AIM2: variants seen among roughly 807,000 people sequenced by gnomAD.
AIM2 encodes the protein interferon-inducible protein AIM2.
A neutral mutation model predicts 27.7 loss-of-function variants in AIM2; 30 were observed. The ratio of observed to expected loss-of-function variants is 1.08; its 90% CI spans 0.81 to 1.47. AIM2 has a LOEUF of 1.47. AIM2 is among the 40% of genes most tolerant of loss of function. AIM2 has a pLI of 0.00. For missense variants in AIM2, 358 were observed against 411.3 expected, an observed-to-expected ratio of 0.87 and a Z score of 1.12; for synonymous variants, 141 against 145.3, an observed-to-expected ratio of 0.97 and a Z score of 0.21.
intron 1 of AIM2, among the ~76,000 whole-genome samples, chr1:159,094,035 T>C (rs1338068506): frequency 6.6e-6 from 1 of 152,048 alleles, no homozygotes; most frequent in Non-Finnish European, 1.5e-5. Context: ...TCACTGCACA[T>C]GGCATATTTA....
intron 1 of AIM2, among the ~76,000 whole-genome samples, chr1:159,099,065 C>T (rs571722605): frequency 2.0e-5 from 3 of 151,292 alleles, no homozygotes; most frequent in Non-Finnish European, 4.4e-5. Flanking sequence ...GAAAGTCAGA[C>T]TGTTGGGGTC....
At chr1:159,109,324 A>G (rs1452012635) in intron 1 of AIM2, among the ~76,000 whole-genome samples, 1 of 152,232 alleles carries the variant, frequency 6.6e-6, no homozygotes, top group Non-Finnish European at 1.5e-5. Context: ...CACCCTATTC[A>G]ACAAATGGTA....
chr1:159,055,514 T>TA, the AIM2 span, among the ~76,000 whole-genome samples: 1 of 152,236 alleles, frequency 6.6e-6, no homozygotes. Flanking sequence ...TGAAGGCACT[T>TA]GTCTGTGTTA....
intron 1 of AIM2, among the ~76,000 whole-genome samples, chr1:159,120,644 G>A (rs144859744): frequency 6.6e-6 from 1 of 152,146 alleles, no homozygotes; most frequent in Non-Finnish European, 1.5e-5. Flanking sequence ...TGAGGGGAAA[G>A]CACTCAATTG....
chr1:159,066,336 A>G lies in AIM2; in HGVS notation c.397-7T>C. On this transcript the variant is annotated splice_region_variant and splice_polypyrimidine_tract_variant and intron_variant, in intron 3 of 5. Transcript: ENST00000368130. ...CCATCTGTTTCTGTTCAGGCTGAAG[A>G]CAAGAGAAGAAAGATATCAGCTGTG... 2.5e-6 allele frequency: 4 copies of G among 1,601,074 alleles called. No individual in the cohort carries two copies. Among genetic ancestry groups the G allele is most frequent in the Non-Finnish European group, 3.4e-6 (4 of 1,174,814 alleles).
upstream of AIM2, among the ~76,000 whole-genome samples, chr1:159,144,391 C>T (rs775096030): frequency 2.0e-5 from 3 of 152,108 alleles, no homozygotes; most frequent in Non-Finnish European, 2.9e-5. Context: ...TCTCATTTTG[C>T]TTTATCATCC....
chr1:159,115,813 A>G (rs1392262994), intron 1 of AIM2, among the ~76,000 whole-genome samples: 1 of 152,226 alleles, frequency 6.6e-6, no homozygotes, highest in African/African-American at 2.4e-5. Context: ...AATGGCAACA[A>G]AAGCCAAAAT....
chr1:159,140,199 T>C (rs1648085011), intron 1 of AIM2, among the ~76,000 whole-genome samples: 1 of 152,168 alleles, frequency 6.6e-6, no homozygotes, highest in Non-Finnish European at 1.5e-5. Context: ...CCAAAGGGCA[T>C]ATCTATGGGA....
chr1:159,110,197 A>G lies in AIM2; in HGVS notation c.-16+30234T>C, dbSNP rs191449715. Among the ~76,000 whole-genome samples the G allele has an allele frequency of 1.5e-3, 232 of 152,338 alleles. 1 individual carries two copies. The highest frequency in any genetic ancestry group is 5.3e-3 in the African/African-American group (219 of 41,582). On this transcript the variant is annotated intron_variant, in intron 1 of 2. Coordinates refer to the AIM2 transcript ENST00000368129. Reference sequence around the variant, plus strand: ...CCAATGAGGATAAAGAGACTGTAGTATATATACACAATGGAATACTACTCG... The same window carrying G: ...CCAATGAGGATAAAGAGACTGTAGTGTATATACACAATGGAATACTACTCG...
chr1:159,091,595 T>A (rs532293239), intron 1 of AIM2, among the ~76,000 whole-genome samples: 1 of 152,362 alleles, frequency 6.6e-6, no homozygotes, highest in East Asian at 1.9e-4. Context: ...ATTATCCTGA[T>A]CATCTCTTGT....
chr1:159,107,331 T>TGTGC lies in AIM2; in HGVS notation c.-16+33099_-16+33100insGCAC, dbSNP rs1337639775. Reference sequence around the variant, plus strand: ...ATGTGTGTGTGTGTGTGTGTGTGTGTGCGCGCACTATAGCATGTTACTGAA... The same window carrying TGTGC: ...ATGTGTGTGTGTGTGTGTGTGTGTGTGTGCGCGCGCACTATAGCATGTTACTGAA... On this transcript the variant is annotated intron_variant, in intron 1 of 2. Transcript: ENST00000368129. 5.0e-4 allele frequency among the ~76,000 whole-genome samples: 75 copies of TGTGC among 150,264 alleles called. 2 individuals carry two copies. The East Asian group carries it at 0.011, about 23-fold the overall frequency.
chr1:159,117,165 T>C (rs974940978), intron 1 of AIM2, among the ~76,000 whole-genome samples: 36 of 152,238 alleles, frequency 2.4e-4, no homozygotes, highest in African/African-American at 8.4e-4. Flanking sequence ...TGGAAGGCTG[T>C]GTAGTAGCAG....
chr1:159,145,198 A>T (rs190744835), upstream of AIM2, among the ~76,000 whole-genome samples: 45 of 152,216 alleles, frequency 3.0e-4, no homozygotes, highest in Non-Finnish European at 5.7e-4. Flanking sequence ...TACTGTGCAG[A>T]TGTTCAGGTC....
intron 1 of AIM2, among the ~76,000 whole-genome samples, chr1:159,109,549 G>T (rs1240547010): frequency 1.3e-5 from 2 of 152,020 alleles, no homozygotes; most frequent in African/African-American, 2.4e-5. Context: ...TAAAAACAAA[G>T]ATCAATAGGT....
intron 3 of AIM2, 127 bp from the exon 4 acceptor site, chr1:159,066,456 C>A: frequency 1.0e-6 from 1 of 958,392 alleles, no homozygotes; most frequent in Admixed American, 2.8e-5. Flanking sequence ...GGAAGAGATA[C>A]AGAGGGGATA....
chr1:159,071,643 G>C (rs777722862), intron 2 of AIM2, among the ~76,000 whole-genome samples: 2 of 152,134 alleles, frequency 1.3e-5, no homozygotes, highest in Non-Finnish European at 2.9e-5. Context: ...CCAAGTAGCT[G>C]GCATTACAGA....
chr1:159,089,313 T>C (rs1014680590), intron 1 of AIM2, among the ~76,000 whole-genome samples: 8 of 152,306 alleles, frequency 5.3e-5, no homozygotes, highest in African/African-American at 1.7e-4. Context: ...ATACAATTAG[T>C]GAATGGTAGA....
At chr1:159,127,479 G>A (rs1647723463) in intron 1 of AIM2, among the ~76,000 whole-genome samples, 1 of 152,154 alleles carries the variant, frequency 6.6e-6, no homozygotes, top group Admixed American at 6.5e-5. Context: ...TGGGGCCATT[G>A]GGAGGCAAAG....
At chr1:159,119,906 T>C (rs769160475) in intron 1 of AIM2, among the ~76,000 whole-genome samples, 6 of 152,098 alleles carry the variant, frequency 3.9e-5, no homozygotes, top group Non-Finnish European at 5.9e-5. Flanking sequence ...TTATAGATTA[T>C]ATGTAGATAA....
Sources: gnomAD v4.1 joint callset for allele counts (sites outside exome capture counted in the v4.1 genomes callset) on GRCh38, gnomAD v4.1.1 for gene constraint, MANE v1.5 for transcripts, NCBI Gene and HGNC (gene_info 2026-07-23, HGNC 2026-07-21) for gene names.